Variants in RHBDF1 observed in about 807,000 individuals in gnomAD.
RHBDF1 encodes the protein rhomboid 5 homolog 1.
In RHBDF1, 80 loss-of-function variants were observed where a neutral mutation model predicts 98.6. The observed-to-expected ratio is 0.81, with a 90% confidence interval of 0.68 to 0.98. RHBDF1 has a LOEUF of 0.98. Ranked by LOEUF, RHBDF1 falls within the 50% of genes least tolerant of loss-of-function variation. The probability of loss-of-function intolerance (pLI) is 0.00; values close to 1 mark genes in which losing one functional copy is unlikely to be tolerated. For missense variants in RHBDF1, 1,116 were observed against 1,198.3 expected (o/e 0.93, Z 1.01); for synonymous variants, 512 against 486.8 (o/e 1.05, Z -0.68).
chr16:62,585 G>T lies in RHBDF1; in HGVS notation c.906C>A (p.Thr302=), dbSNP rs780526157. ...WEKAPEQADL[T]GGALDRSELE... ...GCTCGCTGCGGTCCAGGGCCCCGCC[G>T]GTGAGGTCCGCCTGCTCCGGTGCCT... Residue 302 remains threonine, a synonymous_variant, in exon 7 of 18, where the codon ACC becomes ACA. Coordinates refer to ENST00000262316, the MANE Select transcript of RHBDF1 (RefSeq NM_022450.5). 6.2e-7 allele frequency: 1 copy of T among 1,613,508 alleles called. No individual in the cohort carries two copies. Among genetic ancestry groups the T allele is most frequent in the East Asian group, 2.2e-5 (1 of 44,886 alleles).
chr16:70,369 C>A (rs1897940160), intron 1 of RHBDF1, among the ~76,000 whole-genome samples: 1 of 152,178 alleles, frequency 6.6e-6, no homozygotes, highest in Admixed American at 6.5e-5. Context: ...AGATGGGCAG[C>A]CCAGTCACCA....
rs143315143 is a variant in RHBDF1, at chr16:60,059, G to A, written c.1722+157C>T. ...CTACTTGCTCAGAGGGGCAGGCGCTGGTTGATGGACAGGCTGTACAAAGGG... is the reference window on the plus strand; with the variant it reads ...CTACTTGCTCAGAGGGGCAGGCGCTAGTTGATGGACAGGCTGTACAAAGGG... On this transcript the variant is annotated intron_variant, in intron 13 of 17. Transcript: ENST00000262316. The A allele has an allele frequency of 1.9e-4, 285 of 1,494,694 alleles. 3 individuals are homozygous for A. The East Asian group carries it at 6.9e-3, about 36-fold the overall frequency. The allele number at this position is 1,494,694 out of a possible 1,614,324, so 92.6% of individuals were successfully genotyped here. A position where few individuals can be genotyped will look rare whatever the true frequency, so the allele number is the denominator to read the frequency against.
At position 60,533 on chromosome 16, in the gene RHBDF1, G is replaced by C; in HGVS notation, c.1564C>G (p.Leu522Val). Residue 522 changes from leucine to valine, a missense_variant, in exon 12 of 18, where the codon CTG (leucine) becomes GTG (valine). Physicochemically the swap from Leu to Val is conservative, Grantham distance 32. Transcript: ENST00000262316. ...ATGGGCCACTTCACCCACACTGCCA[G>C]CGTGGACTGTGGGAGGGGGACACAG... The part of the protein sequence containing the change: ...QTSEEECSST[L>V]AVWVKWPIHP... The C allele has an allele frequency of 6.2e-7, 1 of 1,607,656 alleles. No individual in the cohort carries two copies. Among genetic ancestry groups the C allele is most frequent in the Non-Finnish European group, 8.5e-7 (1 of 1,179,726 alleles).
intron 3 of RHBDF1, 154 bp from the exon 4 acceptor site, chr16:63,954 T>A: frequency 1.3e-6 from 1 of 774,054 alleles, no homozygotes; most frequent in Non-Finnish European, 2.3e-6. Flanking sequence ...AGAGGATGAG[T>A]GGGTTCCAGC....
At chr16:73,843 C>T (rs1208790710), upstream of RHBDF1, 3 of 742,208 alleles carry the variant, frequency 4.0e-6, no homozygotes, top group African/African-American at 3.7e-5. Flanking sequence ...CTTGAGGGCC[C>T]GACGCAGACA....
intron 1 of RHBDF1, among the ~76,000 whole-genome samples, chr16:68,617 C>T (rs1379868554): frequency 6.6e-6 from 1 of 152,084 alleles, no homozygotes; most frequent in African/African-American, 2.4e-5. Flanking sequence ...GGCCCAGCCC[C>T]ATCAGGAGAC....
In RHBDF1 at chr16:63,202, G is replaced by A; in HGVS notation, c.463-20C>T. ...TATGATCTGGAGGAGGGGAGGAGAT[G>A]CTGGAGTCAGGACCATGGGGGCTCC... is the stretch of plus-strand genomic sequence containing the variant. On this transcript the variant is annotated intron_variant, in intron 4 of 17. Transcript: ENST00000262316. The A allele has an allele frequency of 6.5e-7, 1 of 1,544,578 alleles. No individual in the cohort carries two copies. The highest frequency in any genetic ancestry group is 8.7e-7 in the Non-Finnish European group (1 of 1,144,852).
chr16:60,118 C>T, intron 13 of RHBDF1, 98 bp downstream of exon 13: 1 of 1,591,240 alleles, frequency 6.3e-7, no homozygotes, highest in Non-Finnish European at 8.6e-7. Flanking sequence ...TGAGGTGGTC[C>T]CATGATGGGA....
chr16:73,830 G>T, upstream of RHBDF1: 1 of 550,018 alleles, frequency 1.8e-6, no homozygotes, highest in Non-Finnish European at 2.3e-6. Flanking sequence ...CTGAGCTGTT[G>T]CACTTGAGGG....
At chr16:62,371 G>A (rs1038855460) in intron 7 of RHBDF1, among the ~76,000 whole-genome samples, 167 bp downstream of exon 7, 1 of 152,176 alleles carries the variant, frequency 6.6e-6, no homozygotes, top group Non-Finnish European at 1.5e-5. Context: ...CTGGGGCCAT[G>A]CCCAGCTCTG....
At position 59,406 on chromosome 16, in the gene RHBDF1, T is replaced by A. The variant is rs888527344; in HGVS notation, c.1893+13A>T. ...GCTGGGGGAGGGGAACGACGGACAC[T>A]CTGCAGACCTACCTGAGAGCAGAGC... On this transcript the variant is annotated intron_variant, in intron 15 of 17. Transcript: ENST00000262316. The A allele has an allele frequency of 4.3e-6, 7 of 1,613,286 alleles. No individual in the cohort carries two copies. Among genetic ancestry groups the A allele is most frequent in the South Asian group, 1.1e-5 (1 of 91,056 alleles).
Position 58,365 on chromosome 16 carries a change from T to C in RHBDF1, c.2543A>G (p.Tyr848Cys). The change falls in exon 18 of 18, where the codon TAC becomes TGC. Residue 848 changes from tyrosine (Y) to cysteine (C), a missense_variant. Tyr to Cys is a radical substitution (Grantham distance 194). Coordinates refer to ENST00000262316, the MANE Select transcript of RHBDF1 (RefSeq NM_022450.5). Reference protein sequence around the residue: ...IPFTDKFCEKYELDAQLH With the variant: ...IPFTDKFCEKCELDAQLH ...TCAGTGGAGCTGAGCGTCCAGTTCG[T>C]ACTTCTCACAGAACTTGTCAGTGAA... 3 of 1,613,340 alleles carry C rather than the reference T, an allele frequency of 1.9e-6. No homozygotes were observed. Among genetic ancestry groups the C allele is most frequent in the South Asian group, 1.1e-5 (1 of 91,074 alleles).
intron 16 of RHBDF1, 60 bp from the exon 17 acceptor site, chr16:59,187 AC>A (rs1013779857): frequency 1.9e-5 from 30 of 1,589,520 alleles, no homozygotes; most frequent in Non-Finnish European, 2.6e-5. Flanking sequence ...CCTTTCTGCC[AC>A]CCCCAGCCAG....
rs546294470 is a variant in RHBDF1, at chr16:69,356, G to A, written c.-25+3157C>T. ...CGGCGGAGTTGACTGCCAACCCCGG[G>A]GCCAGAACCATCAAGCCTGGGCTCT... On this transcript the variant is annotated intron_variant, in intron 1 of 17. Coordinates refer to ENST00000262316, the MANE Select transcript of RHBDF1 (RefSeq NM_022450.5). 2.6e-5 allele frequency among the ~76,000 whole-genome samples: 4 copies of A among 152,246 alleles called. No individual in the cohort carries two copies. The South Asian group carries it at 6.2e-4, about 24-fold the overall frequency.
At chr16:59,205 C>T in intron 16 of RHBDF1, 44 bp downstream of exon 16, 1 of 1,592,990 alleles carries the variant, frequency 6.3e-7, no homozygotes. Flanking sequence ...CCAGCCAATC[C>T]TGAGGGCCCT....
At chr16:62,439 C>T (rs1385995606) in intron 7 of RHBDF1, 99 bp downstream of exon 7, 12 of 1,473,472 alleles carry the variant, frequency 8.1e-6, no homozygotes, top group African/African-American at 1.4e-5. Context: ...GAGGCTACCC[C>T]TTCCATCGCC....
At chr16:67,646 G>A (rs892109665) in intron 1 of RHBDF1, among the ~76,000 whole-genome samples, 8 of 152,200 alleles carry the variant, frequency 5.3e-5, no homozygotes, top group Admixed American at 2.6e-4. Context: ...ACCCAAAGGC[G>A]GTCCTTGGCC....
intron 3 of RHBDF1, 24 bp downstream of exon 3, chr16:64,675 G>A (rs1596472386): frequency 1.3e-6 from 2 of 1,591,764 alleles, no homozygotes; most frequent in African/African-American, 1.3e-5. Context: ...CCCACCCCAT[G>A]GAGCAGCTGG....
At position 61,374 on chromosome 16, in the gene RHBDF1, C is replaced by T. The variant is rs780150738; in HGVS notation, c.1395+11G>A. 1.9e-6 allele frequency: 3 copies of T among 1,596,388 alleles called. No homozygotes were observed. The highest frequency in any genetic ancestry group is 2.6e-6 in the Non-Finnish European group (3 of 1,172,626). On this transcript the variant is annotated intron_variant, in intron 10 of 17. Transcript: ENST00000262316. ...CGCCCCCGCCGGCCCCGCCCCCAGCCCCGTCCTCACCGAGCTGGGCCCGAT... is the reference window on the plus strand; with the variant it reads ...CGCCCCCGCCGGCCCCGCCCCCAGCTCCGTCCTCACCGAGCTGGGCCCGAT...
Sources: allele counts gnomAD v4.1 joint callset (sites outside exome capture counted in the v4.1 genomes callset), GRCh38; gene constraint gnomAD v4.1.1; transcripts MANE v1.5; gene names NCBI Gene and HGNC (gene_info 2026-07-23, HGNC 2026-07-21).